The following DLG2 variants were observed in gnomAD, a reference collection of about 807,000 sequenced individuals.
The protein encoded by DLG2 is discs large MAGUK scaffold protein 2.
A neutral mutation model predicts 132.5 loss-of-function variants in DLG2; 45 were observed. The observed-to-expected ratio is 0.34, with a 90% CI of 0.27 to 0.44. The LOEUF is 0.44. Ranked by LOEUF, DLG2 falls within the 20% of genes least tolerant of loss-of-function variation. The probability of loss-of-function intolerance (pLI) is 1.00; values close to 1 mark genes in which losing one functional copy is unlikely to be tolerated. For missense variants in DLG2, 1,045 were observed against 1,196.9 expected (o/e 0.87, Z 1.87); for synonymous variants, 424 against 419.6 (o/e 1.01, Z -0.13).
intron 15 of DLG2, among the ~76,000 whole-genome samples, chr11:83,896,623 C>T (rs143321515): frequency 1.2e-3 from 186 of 152,106 alleles, no homozygotes; most frequent in African/African-American, 4.2e-3. Context: ...ATTAAAAATA[C>T]AGAGGTTAAT....
At chr11:84,971,937 A>C (rs1037521826) in intron 6 of DLG2, among the ~76,000 whole-genome samples, 4 of 152,176 alleles carry the variant, frequency 2.6e-5, no homozygotes, top group African/African-American at 9.6e-5. Flanking sequence ...GGGAGAATTT[A>C]TATTTCTAAG....
intron 7 of DLG2, among the ~76,000 whole-genome samples, chr11:84,392,631 C>A (rs2098796526): frequency 6.6e-6 from 1 of 152,134 alleles, no homozygotes; most frequent in Non-Finnish European, 1.5e-5. Flanking sequence ...TTGTTTTTGG[C>A]AGTTTACATG....
At chr11:85,278,501 G>A (rs998849915) in intron 4 of DLG2, among the ~76,000 whole-genome samples, 2 of 152,142 alleles carry the variant, frequency 1.3e-5, no homozygotes, top group Non-Finnish European at 2.9e-5. Flanking sequence ...TCAGGAGGCT[G>A]AGGCGGGAGA....
At chr11:85,505,596 T>C (rs748424401) in intron 3 of DLG2, among the ~76,000 whole-genome samples, 5 of 152,218 alleles carry the variant, frequency 3.3e-5, no homozygotes, top group Non-Finnish European at 5.9e-5. Context: ...ATAAGATTTC[T>C]GATGTGCTGC....
intron 7 of DLG2, among the ~76,000 whole-genome samples, chr11:84,517,547 G>A (rs1026324795): frequency 6.6e-6 from 1 of 151,890 alleles, no homozygotes; most frequent in African/African-American, 2.4e-5. Context: ...CTGTTGATGG[G>A]AATATAAATT....
intron 6 of DLG2, among the ~76,000 whole-genome samples, chr11:84,932,521 A>G (rs2048219140): frequency 6.6e-6 from 1 of 151,818 alleles, no homozygotes; most frequent in South Asian, 2.1e-4. Context: ...CACCCCCACC[A>G]CACAACAGGC....
intron 11 of DLG2, among the ~76,000 whole-genome samples, chr11:83,987,544 A>G (rs1170740216): frequency 2.6e-5 from 4 of 152,160 alleles, no homozygotes; most frequent in Non-Finnish European, 5.9e-5. Flanking sequence ...ATAATACCGC[A>G]TATCTACAAC....
In DLG2 at chr11:85,500,420, T is replaced by C. The variant is rs572236699; in HGVS notation, c.40+98237A>G. On this transcript the variant is annotated intron_variant, in intron 3 of 27. Coordinates refer to ENST00000376104, the MANE Select transcript of DLG2 (RefSeq NM_001142699.3). ...GTCGGGGGAGGGGGGAGGGATAGCA[T>C]TGGGAGATATACCTAATGCTAGATG... Among the ~76,000 whole-genome samples the C allele has an allele frequency of 7.4e-3, 1,039 of 140,528 alleles. 39 individuals carry two copies. Among genetic ancestry groups the C allele is most frequent in the African/African-American group, 0.028 (999 of 35,444 alleles). The allele number at this position is 140,528 out of a possible 152,430, so 92.2% of individuals were successfully genotyped here.
chr11:85,233,696 ATT>A (rs547235876), intron 4 of DLG2, among the ~76,000 whole-genome samples: 56 of 131,280 alleles, frequency 4.3e-4, no homozygotes, highest in Admixed American at 3.9e-4. Context: ...TGGATCCTTA[ATT>A]TTTTTTTTTT....
chr11:83,771,479 A>G (rs1311045850), intron 18 of DLG2, among the ~76,000 whole-genome samples: 1 of 152,192 alleles, frequency 6.6e-6, no homozygotes. Context: ...GTGCACTTAC[A>G]TGAACCTAGA....
At chr11:84,083,172 C>T (rs533402134) in intron 10 of DLG2, among the ~76,000 whole-genome samples, 335 of 152,142 alleles carry the variant, frequency 2.2e-3, no homozygotes, top group African/African-American at 7.7e-3. Flanking sequence ...CCCAGCTACT[C>T]GGGAGGCTGA....
At chr11:85,294,228 A>G (rs575020088) in intron 3 of DLG2, among the ~76,000 whole-genome samples, 14 of 152,278 alleles carry the variant, frequency 9.2e-5, no homozygotes, top group African/African-American at 2.9e-4. Flanking sequence ...AGTGACTACT[A>G]TTCTTATAAC....
intron 7 of DLG2, among the ~76,000 whole-genome samples, chr11:84,401,018 A>G (rs2154446732): frequency 6.6e-6 from 1 of 152,278 alleles, no homozygotes; most frequent in South Asian, 2.1e-4. Context: ...CATAACATGT[A>G]TCAAACACAT....
At position 85,567,065 on chromosome 11, in the gene DLG2, A is replaced by C. The variant is rs558905593; in HGVS notation, c.40+31592T>G. Among the ~76,000 whole-genome samples the C allele has an allele frequency of 2.4e-3, 371 of 152,230 alleles. 1 individual carries two copies. The highest frequency in any genetic ancestry group is 4.4e-3 in the Non-Finnish European group (297 of 68,006). ...TTTATGCTAGTGCCACACTGTCTTGATTACTATAGCCTTGTAATAACTTTT... is the reference window on the plus strand; with the variant it reads ...TTTATGCTAGTGCCACACTGTCTTGCTTACTATAGCCTTGTAATAACTTTT... On this transcript the variant is annotated intron_variant, in intron 3 of 27. Transcript: ENST00000376104.
chr11:84,012,911 C>A (rs1193298128), intron 11 of DLG2, among the ~76,000 whole-genome samples: 2 of 152,060 alleles, frequency 1.3e-5, no homozygotes, highest in Non-Finnish European at 2.9e-5. Flanking sequence ...ATTAACATTT[C>A]TTTTTTCTCT....
chr11:84,194,580 G>C (rs925375369), intron 8 of DLG2, among the ~76,000 whole-genome samples: 5 of 152,294 alleles, frequency 3.3e-5, no homozygotes, highest in African/African-American at 9.6e-5. Flanking sequence ...CCATTTTACA[G>C]AGAGCTGATT....
chr11:83,499,108 G>T (rs746951345), intron 21 of DLG2, among the ~76,000 whole-genome samples: 15 of 152,020 alleles, frequency 9.9e-5, no homozygotes, highest in Non-Finnish European at 2.1e-4. Context: ...GGCTTTCCTG[G>T]TGAATTCTAT....
intron 6 of DLG2, among the ~76,000 whole-genome samples, chr11:85,052,136 G>A (rs2062963351): frequency 2.0e-5 from 3 of 152,148 alleles, no homozygotes; most frequent in African/African-American, 7.2e-5. Context: ...CAAGAAAAGT[G>A]AAGAGAATGT....
chr11:84,496,295 G>A (rs1054865884), intron 7 of DLG2, among the ~76,000 whole-genome samples: 3 of 152,160 alleles, frequency 2.0e-5, no homozygotes, highest in African/African-American at 7.2e-5. Context: ...AATGACTACT[G>A]CATTCTGAGA....
Sources: allele counts gnomAD v4.1 joint callset (sites outside exome capture counted in the v4.1 genomes callset), GRCh38; gene constraint gnomAD v4.1.1; transcripts MANE v1.5; gene names NCBI Gene and HGNC (gene_info 2026-07-23, HGNC 2026-07-21).